SMAD2: variants seen among roughly 807,000 people sequenced by gnomAD.
SMAD2 encodes the protein MAD homolog 2.
Under a neutral mutation model 64.4 loss-of-function variants are expected in SMAD2, and 8 were observed. The ratio of observed to expected loss-of-function variants is 0.12; its 90% confidence interval spans 0.07 to 0.22. The LOEUF (loss-of-function observed/expected upper bound fraction) is 0.22. SMAD2 is among the 10% of genes least tolerant of loss of function. The probability of loss-of-function intolerance (pLI) is 1.00; values close to 1 mark genes in which losing one functional copy is unlikely to be tolerated. For missense variants in SMAD2, 289 were observed against 561.2 expected (o/e 0.51, Z 4.90); for synonymous variants, 203 against 195.8 (o/e 1.04, Z -0.31).
At position 47,822,153 on chromosome 18, in the gene SMAD2, C is replaced by T. The variant is rs1345347348; in HGVS notation, c.*19674G>A. ...TGAGTGTTCCAAAATTGTACGATGC[C>T]GTTAGAAATATGTCATCAGTCATAA... is the stretch of plus-strand genomic sequence containing the variant. On this transcript the variant is annotated 3_prime_UTR_variant, in exon 11 of 11. Coordinates refer to ENST00000262160, the MANE Select transcript of SMAD2 (RefSeq NM_005901.6). The T allele has an allele frequency of 2.0e-5, 3 of 152,056 alleles. No homozygotes were observed. The highest frequency in any genetic ancestry group is 6.6e-5 in the Admixed American group (1 of 15,264). The allele number at this position is 152,056 out of a possible 1,614,324, so 9.4% of individuals were successfully genotyped here.
At chr18:47,842,060 G>A (rs1034057408) in intron 10 of SMAD2, 110 bp from the exon 11 acceptor site, 1 of 1,264,126 alleles carries the variant, frequency 7.9e-7, no homozygotes, top group Admixed American at 1.8e-5. Context: ...AAAAGGTTGT[G>A]TATATAATTT....
At chr18:47,849,780 G>T (rs1212671352) in intron 7 of SMAD2, among the ~76,000 whole-genome samples, 1 of 152,026 alleles carries the variant, frequency 6.6e-6, no homozygotes, top group Non-Finnish European at 1.5e-5. Context: ...GGTCAAGGTG[G>T]GTGATTCGTT....
In SMAD2 at chr18:47,836,009, G is replaced by T; in HGVS notation, c.*5818C>A. The T allele has an allele frequency of 4.7e-6, 1 of 212,262 alleles. No individual in the cohort carries two copies. The highest frequency in any genetic ancestry group is 9.5e-6 in the Non-Finnish European group (1 of 104,912). 13.1% of individuals were successfully genotyped at this position (212,262 alleles called of 1,614,324 possible). A position where few individuals can be genotyped will look rare whatever the true frequency, so the allele number is the denominator to read the frequency against. On this transcript the variant is annotated 3_prime_UTR_variant, in exon 11 of 11. Coordinates refer to ENST00000262160, the MANE Select transcript of SMAD2 (RefSeq NM_005901.6). ...TCTTCCAAGGGACTCTTATATCTAA[G>T]CAATGGTGAAGTTCTGGATTCATTA...
rs1913451264 is a variant in SMAD2, at chr18:47,836,765, C to G, written c.*5062G>C. The G allele has an allele frequency of 4.5e-6, 1 of 220,364 alleles. No homozygotes were observed. The highest frequency in any genetic ancestry group is 2.3e-5 in the African/African-American group (1 of 44,394). The allele number at this position is 220,364 out of a possible 1,614,324, so 13.7% of individuals were successfully genotyped here. On this transcript the variant is annotated 3_prime_UTR_variant, in exon 11 of 11. Transcript: ENST00000262160. ...ACGAGATAAGTTCTTATCGTAAATG[C>G]TATCATGAGGCTATCTAGTATAGCT...
chr18:47,830,576 C>CAAAAAAAAAAAAAAAAAAAAAAA lies in SMAD2; in HGVS notation c.*11250_*11251insTTTTTTTTTTTTTTTTTTTTTTT, dbSNP rs5824708. The CAAAAAAAAAAAAAAAAAAAAAAA allele has an allele frequency of 7.2e-5, 9 of 125,408 alleles. No homozygotes were observed. Among genetic ancestry groups the CAAAAAAAAAAAAAAAAAAAAAAA allele is most frequent in the African/African-American group, 2.9e-4 (9 of 31,126 alleles). 7.8% of individuals were successfully genotyped at this position (125,408 alleles called of 1,614,324 possible). A position where few individuals can be genotyped will look rare whatever the true frequency, so the allele number is the denominator to read the frequency against. Reference sequence around the variant, plus strand: ...GGGCAACAGAGCAAGACTCTGTCTCCAAAAAAAAAAAAAAAAAATTCGTTT... The same window carrying CAAAAAAAAAAAAAAAAAAAAAAA: ...GGGCAACAGAGCAAGACTCTGTCTCCAAAAAAAAAAAAAAAAAAAAAAAAAAAAAAAAAAAAAAAAATTCGTTT... On this transcript the variant is annotated 3_prime_UTR_variant, in exon 11 of 11. Transcript: ENST00000262160.
At position 47,822,681 on chromosome 18, in the gene SMAD2, C is replaced by CATTTGT. The variant is rs1912613854; in HGVS notation, c.*19140_*19145dup. On this transcript the variant is annotated 3_prime_UTR_variant, in exon 11 of 11. Coordinates refer to ENST00000262160, the MANE Select transcript of SMAD2 (RefSeq NM_005901.6). Reference sequence around the variant, plus strand: ...CAATTTGGAAACTATTTTGAGTATTCATTTGTTTTTGTTTTTGAGACGGAG... The same window carrying CATTTGT: ...CAATTTGGAAACTATTTTGAGTATTCATTTGTATTTGTTTTTGTTTTTGAGACGGAG... 1 of 152,094 alleles carries CATTTGT rather than the reference C, an allele frequency of 6.6e-6. No homozygotes were observed. Among genetic ancestry groups the CATTTGT allele is most frequent in the African/African-American group, 2.4e-5 (1 of 41,428 alleles). 9.4% of individuals were successfully genotyped at this position (152,094 alleles called of 1,614,324 possible). A position where few individuals can be genotyped will look rare whatever the true frequency, so the allele number is the denominator to read the frequency against.
intron 4 of SMAD2, among the ~76,000 whole-genome samples, 189 bp downstream of exon 4, chr18:47,869,054 A>C (rs1164740962): frequency 6.6e-6 from 1 of 152,178 alleles, no homozygotes; most frequent in African/African-American, 2.4e-5. Flanking sequence ...TATTCCAAGA[A>C]ACAGATATGT....
intron 6 of SMAD2, among the ~76,000 whole-genome samples, chr18:47,862,510 C>T (rs1224076138): frequency 6.6e-6 from 1 of 152,182 alleles, no homozygotes; most frequent in Non-Finnish European, 1.5e-5. Context: ...CAGTTACCTG[C>T]CTCCATCTTC....
At chr18:47,900,561 A>T (rs972083023) in intron 1 of SMAD2, among the ~76,000 whole-genome samples, 2 of 152,072 alleles carry the variant, frequency 1.3e-5, no homozygotes, top group Admixed American at 1.3e-4. Flanking sequence ...TCAAAGAACC[A>T]ACTTTTTCTT....
rs527529143 is a variant in SMAD2 at position 47,840,808 on chromosome 18, A to C, written c.*1019T>G. The C allele has an allele frequency of 1.1e-4, 25 of 231,572 alleles. 1 individual carries two copies. In the South Asian group the frequency reaches 3.8e-3, roughly 35 times the overall value. 14.3% of individuals were successfully genotyped at this position (231,572 alleles called of 1,614,324 possible). ...ACGGTATTTATAGATTAGCTTTTTT[A>C]AAAAGGGATAAATATGTGGAAGTAA... On this transcript the variant is annotated 3_prime_UTR_variant, in exon 11 of 11. Transcript: ENST00000262160.
intron 6 of SMAD2, among the ~76,000 whole-genome samples, chr18:47,857,458 ACTCC>A (rs752032666): frequency 2.6e-5 from 4 of 152,108 alleles, no homozygotes; most frequent in Non-Finnish European, 4.4e-5. Context: ...TTTATTAGAA[ACTCC>A]TACAGAGTTC....
rs2144248461 is a variant in SMAD2, at chr18:47,828,748, G to C, written c.*13079C>G. 5.5e-6 allele frequency: 1 copy of C among 180,970 alleles called. No homozygotes were observed. The highest frequency in any genetic ancestry group is 2.4e-5 in the African/African-American group (1 of 41,704). The allele number at this position is 180,970 out of a possible 1,614,324, so 11.2% of individuals were successfully genotyped here. ...CTTGAAGGCAGCATGCTCGTTAAGAGTCATCACCACTCCTTAATCTCAAGT... is the reference window on the plus strand; with the variant it reads ...CTTGAAGGCAGCATGCTCGTTAAGACTCATCACCACTCCTTAATCTCAAGT... On this transcript the variant is annotated 3_prime_UTR_variant, in exon 11 of 11. Coordinates refer to ENST00000262160, the MANE Select transcript of SMAD2 (RefSeq NM_005901.6).
chr18:47,821,390 G>A lies in SMAD2; in HGVS notation c.*20437C>T, dbSNP rs1912569016. 6.6e-6 allele frequency: 1 copy of A among 152,116 alleles called. No individual in the cohort carries two copies. The highest frequency in any genetic ancestry group is 2.4e-5 in the African/African-American group (1 of 41,410). 9.4% of individuals were successfully genotyped at this position (152,116 alleles called of 1,614,324 possible). ...TTATAACTTGATACTGAAATGTTCTGTAGAAGGCCTAGAAAAGCAATGTTT... is the reference window on the plus strand; with the variant it reads ...TTATAACTTGATACTGAAATGTTCTATAGAAGGCCTAGAAAAGCAATGTTT... On this transcript the variant is annotated 3_prime_UTR_variant, in exon 11 of 11. Coordinates refer to ENST00000262160, the MANE Select transcript of SMAD2 (RefSeq NM_005901.6).
At chr18:47,928,065 C>T (rs2034839295) in intron 1 of SMAD2, among the ~76,000 whole-genome samples, 1 of 152,124 alleles carries the variant, frequency 6.6e-6, no homozygotes, top group Non-Finnish European at 1.5e-5. Flanking sequence ...CTTCTACACC[C>T]ATCAAAAGAC....
chr18:47,920,594 G>C (rs1007882747), intron 1 of SMAD2, among the ~76,000 whole-genome samples: 1 of 152,338 alleles, frequency 6.6e-6, no homozygotes, highest in Non-Finnish European at 1.5e-5. Context: ...CAGGAGGTAG[G>C]AGATGTAAAG....
At chr18:47,899,703 G>A (rs950203382) in intron 1 of SMAD2, among the ~76,000 whole-genome samples, 1 of 152,088 alleles carries the variant, frequency 6.6e-6, no homozygotes, top group African/African-American at 2.4e-5. Flanking sequence ...TGACAAATTA[G>A]TCCATTAGAT....
intron 2 of SMAD2, among the ~76,000 whole-genome samples, chr18:47,881,894 G>A (rs2032613301): frequency 6.6e-6 from 1 of 151,852 alleles, no homozygotes. Context: ...TGTTTGTTTT[G>A]CCCGACAGGG....
chr18:47,821,492 G>GT lies in SMAD2; in HGVS notation c.*20334dup, dbSNP rs1912573884. On this transcript the variant is annotated 3_prime_UTR_variant, in exon 11 of 11. Transcript: ENST00000262160. ...GTTCCACGCAAGCAGGAAATTTCTC[G>GT]TAATTTTTCCAAGAGCCATGTATTC... 1 of 152,076 alleles carries GT rather than the reference G, an allele frequency of 6.6e-6. No homozygotes were observed. Among genetic ancestry groups the GT allele is most frequent in the Admixed American group, 6.5e-5 (1 of 15,276 alleles). The allele number at this position is 152,076 out of a possible 1,614,324, so 9.4% of individuals were successfully genotyped here.
chr18:47,836,897 A>T lies in SMAD2; in HGVS notation c.*4930T>A, dbSNP rs1913464843. Reference sequence around the variant, plus strand: ...TCTAAACAAACAAAATGGTAATAAAAAATTGAAAAGGAAGATATAAAAAGA... The same window carrying T: ...TCTAAACAAACAAAATGGTAATAAATAATTGAAAAGGAAGATATAAAAAGA... On this transcript the variant is annotated 3_prime_UTR_variant, in exon 11 of 11. Transcript: ENST00000262160. The T allele has an allele frequency of 4.8e-6, 1 of 210,186 alleles. No individual in the cohort carries two copies. The highest frequency in any genetic ancestry group is 1.9e-4 in the South Asian group (1 of 5,322). The allele number at this position is 210,186 out of a possible 1,614,324, so 13.0% of individuals were successfully genotyped here.
Sources: gnomAD v4.1 joint callset for allele counts (sites outside exome capture counted in the v4.1 genomes callset) on GRCh38, gnomAD v4.1.1 for gene constraint, MANE v1.5 for transcripts, NCBI Gene and HGNC (gene_info 2026-07-23, HGNC 2026-07-21) for gene names.